OR4N5: variants seen among roughly 807,000 people sequenced by gnomAD.
The protein encoded by OR4N5 is olfactory receptor family 4 subfamily N member 5, also known as olfactory receptor 4N5.
For missense variants in OR4N5, 428 were observed against 370.0 expected (o/e 1.16, Z -1.29); for synonymous variants, 155 against 140.6 (o/e 1.10, Z -0.72).
At chr14:20,140,766 A>C (rs953809082) in intron 1 of OR4N5, 77 bp from the exon 2 acceptor site, 5 of 152,118 alleles carry the variant, frequency 3.3e-5, no homozygotes, top group African/African-American at 1.2e-4. Flanking sequence ...ATAATAAGGA[A>C]GGTTAGAGAT....
chr14:20,139,646 T>A (rs1400048029), intron 1 of OR4N5, among the ~76,000 whole-genome samples: 1 of 152,154 alleles, frequency 6.6e-6, no homozygotes, highest in Admixed American at 6.6e-5. Flanking sequence ...ATGCTTCCTC[T>A]CTTCATTTAC....
chr14:20,141,540 C>T (rs1224053613), intron 2 of OR4N5, among the ~76,000 whole-genome samples: 4 of 152,048 alleles, frequency 2.6e-5, no homozygotes, highest in African/African-American at 7.2e-5. Context: ...TCCTAATAGT[C>T]GTGCTGTAAA....
Position 20,144,251 on chromosome 14 carries a change from C to T in OR4N5, c.516C>T (p.Asn172=). ...LILHLPFCGP[N]QLDNFFCDVP... ...TGCACTTGCCTTTCTGTGGCCCAAA[C>T]CAGCTCGATAACTTCTTCTGTGATG... The change falls in exon 3 of 3, where the codon AAC becomes AAT. Residue 172 remains asparagine, a synonymous_variant. Transcript: ENST00000641086. 6.2e-7 allele frequency: 1 copy of T among 1,614,098 alleles called. No homozygotes were observed. The highest frequency in any genetic ancestry group is 1.1e-5 in the South Asian group (1 of 91,082).
chr14:20,139,249 G>A (rs1473278040), intron 1 of OR4N5, among the ~76,000 whole-genome samples: 1 of 151,994 alleles, frequency 6.6e-6, no homozygotes, highest in Non-Finnish European at 1.5e-5. Context: ...CTAAACCAAA[G>A]GTAAAGGGAG....
rs142982391 is a variant in OR4N5 at position 20,144,885 on chromosome 14, AG to A, written c.*227del. ...AAATACAGGTTATTAGATTTATTCA[AG>A]GGGATAAATACAGTTTATTAAATTT... On this transcript the variant is annotated 3_prime_UTR_variant, in exon 3 of 3. Coordinates refer to ENST00000641086, the MANE Select transcript of OR4N5 (RefSeq NM_001004724.2). 4,439 of 493,342 alleles carry A rather than the reference AG, an allele frequency of 9.0e-3. 97 individuals are homozygous for A. Among genetic ancestry groups the A allele is most frequent in the African/African-American group, 0.048 (2,473 of 51,312 alleles). 30.6% of individuals were successfully genotyped at this position (493,342 alleles called of 1,614,324 possible).
chr14:20,143,966 G>T lies in OR4N5; in HGVS notation c.231G>T (p.Val77=). 1.9e-6 allele frequency: 3 copies of T among 1,614,008 alleles called. No homozygotes were observed. Among genetic ancestry groups the T allele is most frequent in the Non-Finnish European group, 2.5e-6 (3 of 1,179,944 alleles). ...TGGATGCATCCTACTCCTTCATTGTGGTTCCCAGGATGTTGGTGGACTTCC... is the reference window on the plus strand; with the variant it reads ...TGGATGCATCCTACTCCTTCATTGTTGTTCCCAGGATGTTGGTGGACTTCC... ...ALLDASYSFI[V]VPRMLVDFLS... Residue 77 remains valine (V), a synonymous_variant, in exon 3 of 3, where the codon GTG becomes GTT. Coordinates refer to ENST00000641086, the MANE Select transcript of OR4N5 (RefSeq NM_001004724.2).
intron 2 of OR4N5, among the ~76,000 whole-genome samples, 195 bp from the exon 3 acceptor site, chr14:20,143,530 C>A (rs1952801): frequency 0.58 from 87,949 of 151,426 alleles, 25,900 homozygotes; most frequent in African/African-American, 0.7. Context: ...ATGTGGCTAC[C>A]TAAAAACGTA....
Position 20,143,904 on chromosome 14 carries a change from G to T in OR4N5, c.169G>T (p.Ala57Ser). 6.2e-7 allele frequency: 1 copy of T among 1,614,014 alleles called. No homozygotes were observed. The highest frequency in any genetic ancestry group is 8.5e-7 in the Non-Finnish European group (1 of 1,179,954). ...FTIKSDPGLT[A>S]PLYFFLGNLA... ...CATAAAGTCAGACCCTGGGCTCACA[G>T]CCCCCCTCTATTTCTTTCTGGGCAA... Residue 57 changes from alanine to serine, a missense_variant, in exon 3 of 3, where the codon GCC (alanine) becomes TCC (serine). Physicochemically the swap from Ala to Ser is moderately conservative, Grantham distance 99. Transcript: ENST00000641086.
chr14:20,142,230 A>G lies in OR4N5; in HGVS notation c.-12+1019A>G, dbSNP rs995170209. ...AAGCTCCGCCTCCTGGGTTCACACCATTCTCCTGCCTCAGCCTCCTGAGTA... is the reference window on the plus strand; with the variant it reads ...AAGCTCCGCCTCCTGGGTTCACACCGTTCTCCTGCCTCAGCCTCCTGAGTA... On this transcript the variant is annotated intron_variant, in intron 2 of 2. Coordinates refer to ENST00000641086, the MANE Select transcript of OR4N5 (RefSeq NM_001004724.2). Among the ~76,000 whole-genome samples, 3 of 151,906 alleles carry G rather than the reference A, an allele frequency of 2.0e-5. No homozygotes were observed. In the East Asian group the frequency reaches 5.8e-4, roughly 29 times the overall value.
rs138608043 is a variant in OR4N5, at chr14:20,145,010, T to C, written c.*348T>C. On this transcript the variant is annotated 3_prime_UTR_variant, in exon 3 of 3. Transcript: ENST00000641086. ...CTGGGGAGGTGGTAATTACCTTACT[T>C]TTGGTTGTTAAGTGAGGCCTCAAGT... is the stretch of plus-strand genomic sequence containing the variant. 1,258 of 180,450 alleles carry C rather than the reference T, an allele frequency of 7.0e-3. 12 individuals carry two copies. The highest frequency in any genetic ancestry group is 0.01 in the Non-Finnish European group (893 of 86,058). 11.2% of individuals were successfully genotyped at this position (180,450 alleles called of 1,614,324 possible).
At chr14:20,142,853 G>A (rs1878645121) in intron 2 of OR4N5, among the ~76,000 whole-genome samples, 1 of 152,084 alleles carries the variant, frequency 6.6e-6, no homozygotes, top group Admixed American at 6.6e-5. Flanking sequence ...GCCAATTCCA[G>A]CTCTATTATA....
In OR4N5 at chr14:20,142,187, G is replaced by A. The variant is rs1878629466; in HGVS notation, c.-12+976G>A. 2.0e-5 allele frequency among the ~76,000 whole-genome samples: 3 copies of A among 151,808 alleles called. No homozygotes were observed. The South Asian group carries it at 6.2e-4, about 32-fold the overall frequency. On this transcript the variant is annotated intron_variant, in intron 2 of 2. Transcript: ENST00000641086. ...GTTGCCCAGGCTGGAGTACAGTGGT[G>A]CGATCTCAGCTCACTGCAAGCTCCG...
In OR4N5 at chr14:20,144,715, A is replaced by G; in HGVS notation, c.*53A>G. 1 of 1,172,618 alleles carries G rather than the reference A, an allele frequency of 8.5e-7. No homozygotes were observed. The highest frequency in any genetic ancestry group is 1.2e-6 in the Non-Finnish European group (1 of 818,448). The allele number at this position is 1,172,618 out of a possible 1,614,324, so 72.6% of individuals were successfully genotyped here. A position where few individuals can be genotyped will look rare whatever the true frequency, so the allele number is the denominator to read the frequency against. Reference sequence around the variant, plus strand: ...AGAAAGTCCAGTTGAATTTAGCTAAATCATTTCCTCATTCATGCATTGAAT... The same window carrying G: ...AGAAAGTCCAGTTGAATTTAGCTAAGTCATTTCCTCATTCATGCATTGAAT... On this transcript the variant is annotated 3_prime_UTR_variant, in exon 3 of 3. Coordinates refer to ENST00000641086, the MANE Select transcript of OR4N5 (RefSeq NM_001004724.2).
At position 20,144,107 on chromosome 14, in the gene OR4N5, C is replaced by T. The variant is rs1214003474; in HGVS notation, c.372C>T (p.Ile124=). The T allele has an allele frequency of 1.9e-6, 3 of 1,614,094 alleles. No individual in the cohort carries two copies. Among genetic ancestry groups the T allele is most frequent in the South Asian group, 1.1e-5 (1 of 91,078 alleles). ...LLVVMAFDRY[I]AICRPLHYST... ...TTGTGATGGCCTTTGACCGCTACATCGCCATCTGCCGGCCTTTACACTATT... is the reference window on the plus strand; with the variant it reads ...TTGTGATGGCCTTTGACCGCTACATTGCCATCTGCCGGCCTTTACACTATT... Residue 124 remains isoleucine, a synonymous_variant, in exon 3 of 3, where the codon ATC becomes ATT. Coordinates refer to ENST00000641086, the MANE Select transcript of OR4N5 (RefSeq NM_001004724.2).
chr14:20,143,756 A>G lies in OR4N5; in HGVS notation c.21A>G (p.Thr7=). 1.2e-6 allele frequency: 2 copies of G among 1,611,160 alleles called. No individual in the cohort carries two copies. Among genetic ancestry groups the G allele is most frequent in the Non-Finnish European group, 1.7e-6 (2 of 1,178,532 alleles). METQNL[T]VVTEFILLGL... is the part of the protein sequence containing the mutation. The stretch of plus-strand genomic sequence containing the variant: ...AAATTATGGAAACACAGAACCTCAC[A>G]GTGGTGACAGAATTCATTCTTCTTG... The change falls in exon 3 of 3, where the codon ACA becomes ACG. Residue 7 remains threonine (T), a synonymous_variant. Transcript: ENST00000641086.
At chr14:20,142,823 C>G (rs1424145589) in intron 2 of OR4N5, among the ~76,000 whole-genome samples, 2 of 152,144 alleles carry the variant, frequency 1.3e-5, no homozygotes, top group Non-Finnish European at 2.9e-5. Flanking sequence ...ATGAGTACAT[C>G]AGATTATATG....
At position 20,143,862 on chromosome 14, in the gene OR4N5, T is replaced by G. The variant is rs774110217; in HGVS notation, c.127T>G (p.Phe43Val). The G allele has an allele frequency of 3.7e-6, 6 of 1,613,966 alleles. No homozygotes were observed. The highest frequency in any genetic ancestry group is 1.1e-5 in the South Asian group (1 of 91,064). The change falls in exon 3 of 3, where the codon TTC (phenylalanine) becomes GTC (valine). Residue 43 changes from phenylalanine (F) to valine (V), a missense_variant. Coordinates refer to ENST00000641086, the MANE Select transcript of OR4N5 (RefSeq NM_001004724.2). ...IFYLIILPGN[F>V]LIIFTIKSDP... ...CTACCTTATCATCCTCCCTGGAAAT[T>G]TCCTCATCATTTTCACCATAAAGTC... is the stretch of plus-strand genomic sequence containing the variant.
At position 20,144,381 on chromosome 14, in the gene OR4N5, G is replaced by A. The variant is rs1878689554; in HGVS notation, c.646G>A (p.Ala216Thr). 1.2e-6 allele frequency: 2 copies of A among 1,613,868 alleles called. No individual in the cohort carries two copies. Among genetic ancestry groups the A allele is most frequent in the African/African-American group, 1.3e-5 (1 of 74,908 alleles). Residue 216 changes from alanine to threonine, a missense_variant, in exon 3 of 3, where the codon GCC becomes ACC. Coordinates refer to ENST00000641086, the MANE Select transcript of OR4N5 (RefSeq NM_001004724.2). Reference protein sequence around the residue: ...LSLLCFLGLLASYAVILCRIR... With the variant: ...LSLLCFLGLLTSYAVILCRIR... ...CCTCCTGTGCTTCCTGGGCCTTCTG[G>A]CCTCCTATGCAGTCATCCTCTGTCG... is the stretch of plus-strand genomic sequence containing the variant.
At chr14:20,143,060 A>G (rs1019358918) in intron 2 of OR4N5, among the ~76,000 whole-genome samples, 1 of 152,234 alleles carries the variant, frequency 6.6e-6, no homozygotes, top group Non-Finnish European at 1.5e-5. Flanking sequence ...TGTAGAGCAG[A>G]TTCAGAGTGG....
Sources: gnomAD v4.1 joint callset for allele counts (sites outside exome capture counted in the v4.1 genomes callset) on GRCh38, gnomAD v4.1.1 for gene constraint, MANE v1.5 for transcripts, NCBI Gene and HGNC (gene_info 2026-07-23, HGNC 2026-07-21) for gene names.